STXBP2: variants seen among roughly 807,000 people sequenced by gnomAD.
STXBP2 encodes the protein syntaxin binding protein 2, also known as syntaxin-binding protein 2.
A neutral mutation model predicts 72.2 loss-of-function variants in STXBP2; 47 were observed. The ratio of observed to expected loss-of-function variants is 0.65; its 90% CI spans 0.51 to 0.83. The LOEUF is 0.83. STXBP2 is among the 40% of genes least tolerant of loss of function. STXBP2 has a pLI of 0.00. For missense variants in STXBP2, 702 were observed against 807.6 expected (o/e 0.87, Z 1.58); for synonymous variants, 367 against 338.7 (o/e 1.08, Z -0.92).
intron 4 of STXBP2, 88 bp downstream of exon 4, chr19:7,639,895 T>C (rs2031725117): frequency 2.2e-6 from 3 of 1,336,084 alleles, no homozygotes; most frequent in Non-Finnish European, 3.2e-6. Context: ...TGATTGCATG[T>C]GTGCATGTGT....
rs764264674 is a variant in STXBP2, at chr19:7,637,861, ACT to A, written c.37+681_37+682del. 2.0e-5 allele frequency among the ~76,000 whole-genome samples: 3 copies of A among 151,898 alleles called. No individual in the cohort carries two copies. In the East Asian group the frequency reaches 5.8e-4, roughly 29 times the overall value. On this transcript the variant is annotated intron_variant, in intron 1 of 18. Transcript: ENST00000221283. Reference sequence around the variant, plus strand: ...CGGGGCCACCCCGTTACTTCTCTCCACTCTCTCCTCTAGGCAGGGCGGTCTGT... The same window carrying A: ...CGGGGCCACCCCGTTACTTCTCTCCACTCTCCTCTAGGCAGGGCGGTCTGT...
chr19:7,640,129 TG>T, intron 4 of STXBP2: 1 of 565,324 alleles, frequency 1.8e-6, no homozygotes, highest in South Asian at 1.6e-5. Context: ...TGCGTGTGTA[TG>T]TATGTGTGTG....
At chr19:7,631,314 A>T in the STXBP2 span, 1 of 1,401,384 alleles carries the variant, frequency 7.1e-7, no homozygotes, top group Non-Finnish European at 9.2e-7. Flanking sequence ...TCCCACGCGG[A>T]CCCCTTTGTA....
At chr19:7,640,308 G>T in intron 4 of STXBP2, 1 of 555,622 alleles carries the variant, frequency 1.8e-6, no homozygotes, top group Non-Finnish European at 3.4e-6. Context: ...CTATGTATGT[G>T]TGTGCATCTG....
Position 7,647,270 on chromosome 19 carries a change from G to C in STXBP2, c.1538+23G>C, listed in dbSNP as rs771238685. 2.5e-6 allele frequency: 4 copies of C among 1,610,340 alleles called. No homozygotes were observed. The African/African-American group carries it at 5.3e-5, about 22-fold the overall frequency. On this transcript the variant is annotated intron_variant, in intron 17 of 18. Coordinates refer to ENST00000221283, the MANE Select transcript of STXBP2 (RefSeq NM_006949.4). ...CAGGTGAGGCCCCGGGGCCGCCCCC[G>C]CCCACGCCTGGGTCTGTGTTAGGTG...
At chr19:7,634,924 C>T (rs1196544331), upstream of STXBP2, among the ~76,000 whole-genome samples, 1 of 152,182 alleles carries the variant, frequency 6.6e-6, no homozygotes, top group Admixed American at 6.5e-5. Flanking sequence ...TTCCCCACCC[C>T]CCCAACCACC....
chr19:7,644,412 G>A, intron 13 of STXBP2: 2 of 652,174 alleles, frequency 3.1e-6, no homozygotes, highest in South Asian at 1.8e-5. Context: ...TGGGGCACTG[G>A]AAAGGTGGGA....
chr19:7,644,974 G>T, intron 14 of STXBP2: 2 of 1,446,478 alleles, frequency 1.4e-6, no homozygotes, highest in South Asian at 2.9e-5. Context: ...TCACATCTGT[G>T]ATTCCTATAG....
chr19:7,646,315 T>C lies in STXBP2; in HGVS notation c.1423T>C (p.Trp475Arg), dbSNP rs752928582. 2 of 1,610,948 alleles carry C rather than the reference T, an allele frequency of 1.2e-6. No homozygotes were observed. The highest frequency in any genetic ancestry group is 3.4e-5 in the Admixed American group (2 of 59,390). The change falls in exon 16 of 19, where the codon TGG (tryptophan) becomes CGG (arginine). Residue 475 changes from tryptophan (W) to arginine (R), a missense_variant. Transcript: ENST00000221283. Reference protein sequence around the residue: ...RMEPTYQLSRWTPVIKDVMED... With the variant: ...RMEPTYQLSRRTPVIKDVMED... The stretch of plus-strand genomic sequence containing the variant: ...GGAGCCCACCTATCAGCTGTCCCGC[T>C]GGACCCCGGTCATCAAGGATGTAAT...
chr19:7,637,103 C>A, upstream of STXBP2: 1 of 1,236,780 alleles, frequency 8.1e-7, no homozygotes, highest in Non-Finnish European at 1.0e-6. Context: ...GGCCACGCCC[C>A]CACCTTGGGA....
chr19:7,640,173 C>A, intron 4 of STXBP2: 6 of 458,014 alleles, frequency 1.3e-5, no homozygotes, highest in East Asian at 1.2e-4. Flanking sequence ...TGTGTGTGTG[C>A]GTCTGTCTGT....
chr19:7,640,180 CTG>C lies in STXBP2; in HGVS notation c.246+378_246+379del, dbSNP rs761364900. 2.0e-4 allele frequency: 93 copies of C among 459,418 alleles called. 1 individual carries two copies. Among genetic ancestry groups the C allele is most frequent in the East Asian group, 5.7e-4 (11 of 19,210 alleles). 28.5% of individuals were successfully genotyped at this position (459,418 alleles called of 1,614,324 possible). A position where few individuals can be genotyped will look rare whatever the true frequency, so the allele number is the denominator to read the frequency against. ...TCTGTATGTGTGTGTGTGCGTCTGT[CTG>C]TGTGCATGTGTGTATGCGTGTGTAT... On this transcript the variant is annotated intron_variant, in intron 4 of 18. Coordinates refer to ENST00000221283, the MANE Select transcript of STXBP2 (RefSeq NM_006949.4).
upstream of STXBP2, among the ~76,000 whole-genome samples, chr19:7,634,317 C>T (rs758058422): frequency 1.1e-4 from 17 of 152,162 alleles, no homozygotes; most frequent in Non-Finnish European, 2.2e-4. Flanking sequence ...CTCCCCAAGA[C>T]GCCTTTACGG....
At chr19:7,632,134 C>T, upstream of STXBP2, 1 of 599,094 alleles carries the variant, frequency 1.7e-6, no homozygotes, top group Non-Finnish European at 2.9e-6. The surrounding 1 kb of genome is among the most constrained non-coding windows in gnomAD (Gnocchi z 5.2). Context: ...GTCCTATTTT[C>T]TCCCTTTGGC....
intron 13 of STXBP2, among the ~76,000 whole-genome samples, chr19:7,644,070 GA>G (rs2032024264): frequency 6.7e-6 from 1 of 148,660 alleles, no homozygotes; most frequent in Non-Finnish European, 1.5e-5. Context: ...GGACCTGGGT[GA>G]GGGGTGGAGC....
At position 7,640,963 on chromosome 19, in the gene STXBP2, T is replaced by C. The variant is rs930347206; in HGVS notation, c.389T>C (p.Leu130Ser). ...CGTCTGGCAAAGGTGGTGAAGACGT[T>C]GAAGGAGATTCACCTTGCCTTCCTC... ...RSRLAKVVKTLKEIHLAFLPY... is the reference protein window; with the variant it reads ...RSRLAKVVKTSKEIHLAFLPY... The change falls in exon 6 of 19, where the codon TTG becomes TCG. Residue 130 changes from leucine to serine, a missense_variant. Transcript: ENST00000221283. 21 of 1,614,036 alleles carry C rather than the reference T, an allele frequency of 1.3e-5. No individual in the cohort carries two copies. The Admixed American group carries it at 2.3e-4, about 18-fold the overall frequency.
In STXBP2 at chr19:7,644,641, G is replaced by A. The variant is rs757979426; in HGVS notation, c.1135G>A (p.Gly379Arg). 3.7e-6 allele frequency: 6 copies of A among 1,613,364 alleles called. No individual in the cohort carries two copies. Among genetic ancestry groups the A allele is most frequent in the South Asian group, 3.3e-5 (3 of 91,090 alleles). The change falls in exon 14 of 19, where the codon GGG (glycine) becomes AGG (arginine). Residue 379 changes from glycine to arginine, a missense_variant. Transcript: ENST00000221283. ...QDLAMGSDAE[G>R]EKIKDSMKLI... ...CCTGGCCATGGGCTCCGACGCAGAG[G>A]GGGAGAAGATCAAGGACTCCATGAA...
At chr19:7,636,696 ACGGCTGCTG>A (rs2031547594), upstream of STXBP2, 1 of 160,324 alleles carries the variant, frequency 6.2e-6, no homozygotes, top group Non-Finnish European at 1.4e-5. Flanking sequence ...GTTATCCAAG[ACGGCTGCTG>A]CTGCTGCTGC....
upstream of STXBP2, chr19:7,636,818 C>T (rs891415023): frequency 3.1e-5 from 9 of 295,072 alleles, no homozygotes; most frequent in Admixed American, 5.2e-5. Flanking sequence ...CTTGCAGGCA[C>T]AGAACCTCCC....
Sources: allele counts gnomAD v4.1 joint callset (sites outside exome capture counted in the v4.1 genomes callset), GRCh38; gene constraint gnomAD v4.1.1; non-coding constraint Gnocchi (gnomAD v3.1); transcripts MANE v1.5; gene names NCBI Gene and HGNC (gene_info 2026-07-23, HGNC 2026-07-21).